Variants in FAT3 observed in about 807,000 individuals in gnomAD.
FAT3 encodes the protein protocadherin Fat 3.
In FAT3, 95 loss-of-function variants were observed where a neutral mutation model predicts 310.2. The observed-to-expected ratio is 0.31, with a 90% CI of 0.26 to 0.36. The LOEUF is 0.36. Ranked by LOEUF, FAT3 falls within the 10% of genes least tolerant of loss-of-function variation. FAT3 has a pLI of 1.00. For missense variants in FAT3, 5,408 were observed against 5,715.6 expected, an observed-to-expected ratio of 0.95 and a Z score of 1.74; for synonymous variants, 2,314 against 2,192.9, an observed-to-expected ratio of 1.06 and a Z score of -1.54.
rs369683528 is a variant in FAT3, at chr11:92,354,065, C to T, written c.1953C>T (p.Leu651=). The change falls in exon 2 of 28, where the codon CTC becomes CTT. Residue 651 remains leucine, a synonymous_variant. Coordinates refer to ENST00000525166, the MANE Select transcript of FAT3 (RefSeq NM_001367949.2). ...GCATTAAAAATGGCAATTTTGCCCTCAGAATTACAGCAACTGATGGAGAGA... is the reference window on the plus strand; with the variant it reads ...GCATTAAAAATGGCAATTTTGCCCTTAGAATTACAGCAACTGATGGAGAGA... ...NSGIKNGNFA[L]RITATDGENL... 1.3e-4 allele frequency: 209 copies of T among 1,613,650 alleles called. 1 individual carries two copies. The African/African-American group carries it at 2.5e-3, about 19-fold the overall frequency.
At chr11:92,446,442 C>T (rs762307390) in intron 2 of FAT3, among the ~76,000 whole-genome samples, 16 of 152,226 alleles carry the variant, frequency 1.1e-4, no homozygotes, top group Non-Finnish European at 1.6e-4. Flanking sequence ...TATCCACCAA[C>T]TCCTCAATGA....
At chr11:92,734,474 C>T (rs1429896415) in intron 4 of FAT3, among the ~76,000 whole-genome samples, 3 of 152,002 alleles carry the variant, frequency 2.0e-5, no homozygotes, top group East Asian at 3.9e-4. Context: ...TTTTTAAAAT[C>T]GCAGTATAAT....
chr11:92,229,846 G>C (rs1329605518), intron 1 of FAT3, among the ~76,000 whole-genome samples: 2 of 148,944 alleles, frequency 1.3e-5, no homozygotes, highest in African/African-American at 5.0e-5. Flanking sequence ...TTTGAGAATG[G>C]ATTAACTGGC....
intron 15 of FAT3, among the ~76,000 whole-genome samples, 198 bp from the exon 16 acceptor site, chr11:92,836,368 C>T (rs564540703): frequency 1.3e-5 from 2 of 152,218 alleles, no homozygotes; most frequent in East Asian, 3.9e-4. Context: ...AATAAAATGG[C>T]AGCTGCGGGC....
At chr11:92,368,092 ATGTC>A (rs1322895281) in intron 2 of FAT3, among the ~76,000 whole-genome samples, 2 of 152,236 alleles carry the variant, frequency 1.3e-5, no homozygotes, top group African/African-American at 4.8e-5. Context: ...ATTTTTTTAA[ATGTC>A]TGACACACCT....
chr11:92,318,500 A>G (rs1947526295), intron 1 of FAT3, among the ~76,000 whole-genome samples: 1 of 152,148 alleles, frequency 6.6e-6, no homozygotes, highest in Non-Finnish European at 1.5e-5. Context: ...TGGTTCTAGC[A>G]CCAGAATCCT....
chr11:92,565,240 C>G (rs1047000752), intron 3 of FAT3, among the ~76,000 whole-genome samples: 2 of 151,634 alleles, frequency 1.3e-5, no homozygotes, highest in African/African-American at 4.8e-5. Flanking sequence ...AAACTACCAT[C>G]AGAGATTACT....
At position 92,355,085 on chromosome 11, in the gene FAT3, C is replaced by T. The variant is rs375939567; in HGVS notation, c.2973C>T (p.Ala991=). 6.2e-7 allele frequency: 1 copy of T among 1,613,704 alleles called. No homozygotes were observed. Among genetic ancestry groups the T allele is most frequent in the Non-Finnish European group, 8.5e-7 (1 of 1,179,830 alleles). Residue 991 remains alanine, a synonymous_variant, in exon 2 of 28, where the codon GCC becomes GCT. Transcript: ENST00000525166. Reference sequence around the variant, plus strand: ...TTGAAATAGATAAAGCAAGTGGTGCCATCCGCTTGAGCAAAGAGCTTGATT... The same window carrying T: ...TTGAAATAGATAAAGCAAGTGGTGCTATCCGCTTGAGCAAAGAGCTTGATT... The part of the protein sequence containing the change: ...GRFEIDKASG[A]IRLSKELDYE...
chr11:92,403,486 A>G (rs1049542520), intron 2 of FAT3: 1 of 152,222 alleles, frequency 6.6e-6, no homozygotes, highest in Non-Finnish European at 1.5e-5. Context: ...TGCCAGGTGG[A>G]TATTGCAAAA....
chr11:92,339,019 C>T (rs1468622268), intron 1 of FAT3, among the ~76,000 whole-genome samples: 4 of 152,312 alleles, frequency 2.6e-5, no homozygotes, highest in Admixed American at 6.5e-5. Flanking sequence ...AGCAGAAGAG[C>T]TCTATGCAGT....
intron 3 of FAT3, among the ~76,000 whole-genome samples, chr11:92,677,799 A>C (rs1317027830): frequency 6.6e-6 from 1 of 152,218 alleles, no homozygotes; most frequent in Non-Finnish European, 1.5e-5. Flanking sequence ...CACACAAACG[A>C]TGCAATGACA....
intron 2 of FAT3, among the ~76,000 whole-genome samples, chr11:92,380,072 C>T (rs911051117): frequency 2.8e-5 from 4 of 145,292 alleles, no homozygotes; most frequent in Admixed American, 7.0e-5. Flanking sequence ...CAAACTGATT[C>T]GTGTGTGTGT....
intron 1 of FAT3, among the ~76,000 whole-genome samples, chr11:92,331,001 T>TGA (rs1379858139): frequency 3.8e-4 from 45 of 117,806 alleles, no homozygotes; most frequent in Admixed American, 5.7e-4. Flanking sequence ...TGTGTGTGTG[T>TGA]GTGAGAGAGA....
At chr11:92,505,300 G>A (rs1010923762) in intron 2 of FAT3, among the ~76,000 whole-genome samples, 1 of 152,140 alleles carries the variant, frequency 6.6e-6, no homozygotes, top group Admixed American at 6.6e-5. Flanking sequence ...GAATGGTTCT[G>A]ACTGATGCTG....
chr11:92,620,341 G>A (rs542013940), intron 3 of FAT3, among the ~76,000 whole-genome samples: 9 of 152,266 alleles, frequency 5.9e-5, no homozygotes, highest in Middle Eastern at 3.4e-3. Flanking sequence ...ACTGAATATA[G>A]TGTTATGTAT....
At chr11:92,521,853 C>T (rs955678415) in intron 2 of FAT3, among the ~76,000 whole-genome samples, 2 of 152,110 alleles carry the variant, frequency 1.3e-5, no homozygotes, top group Non-Finnish European at 2.9e-5. Context: ...CCTCCCATCC[C>T]CTTCTGGTTC....
At position 92,532,754 on chromosome 11, in the gene FAT3, T is replaced by A. The variant is rs190064558; in HGVS notation, c.3607+7806T>A. 3.3e-4 allele frequency among the ~76,000 whole-genome samples: 51 copies of A among 152,304 alleles called. No individual in the cohort carries two copies. The East Asian group carries it at 8.5e-3, about 25-fold the overall frequency. On this transcript the variant is annotated intron_variant, in intron 3 of 27. Transcript: ENST00000525166. ...AGTTTCAGGGTTTCTTCCCTTGAAA[T>A]GCTTAAGCAGCTCCAAATCCTGTTC...
At chr11:92,749,677 C>T (rs1440500356) in intron 4 of FAT3, among the ~76,000 whole-genome samples, 2 of 152,196 alleles carry the variant, frequency 1.3e-5, no homozygotes, top group African/African-American at 2.4e-5. Flanking sequence ...TCGTACATTT[C>T]TCTACCTATG....
intron 3 of FAT3, among the ~76,000 whole-genome samples, chr11:92,661,530 G>A (rs911144236): frequency 3.3e-5 from 5 of 151,860 alleles, no homozygotes; most frequent in Admixed American, 1.3e-4. Context: ...GAGGTGTAAC[G>A]GATGGGCATT....
Sources: gnomAD v4.1 joint callset for allele counts (sites outside exome capture counted in the v4.1 genomes callset) on GRCh38, gnomAD v4.1.1 for gene constraint, MANE v1.5 for transcripts, NCBI Gene and HGNC (gene_info 2026-07-23, HGNC 2026-07-21) for gene names.